Variants in BBS7 observed in about 807,000 individuals in gnomAD.
BBS7 encodes the protein Bardet-Biedl syndrome 7.
A neutral mutation model predicts 90.3 loss-of-function variants in BBS7; 50 were observed. The ratio of observed to expected loss-of-function variants is 0.55; its 90% CI spans 0.44 to 0.70. The LOEUF is 0.70. BBS7 is among the 30% of genes least tolerant of loss of function. The pLI, the probability that BBS7 is intolerant of heterozygous loss-of-function variation, is 0.00. For synonymous variants in BBS7, 235 were observed against 287.4 expected, an observed-to-expected ratio of 0.82 and a Z score of 1.85; for missense variants, 729 against 838.9, an observed-to-expected ratio of 0.87 and a Z score of 1.62.
chr4:121,852,835 G>C (rs1726392638), intron 8 of BBS7, 121 bp downstream of exon 8: 1 of 1,013,718 alleles, frequency 9.9e-7, no homozygotes, highest in Admixed American at 2.2e-5. Context: ...CATCAAAATA[G>C]CAATATTTTA....
At chr4:121,864,052 C>T (rs548082974) in intron 2 of BBS7, among the ~76,000 whole-genome samples, 2 of 152,176 alleles carry the variant, frequency 1.3e-5, no homozygotes, top group Non-Finnish European at 2.9e-5. Context: ...CATAGAAGCA[C>T]AAACCCTATT....
At chr4:121,861,242 AT>A (rs1365180237) in intron 4 of BBS7, 1 of 307,362 alleles carries the variant, frequency 3.3e-6, no homozygotes. Flanking sequence ...TTTATTTTCA[AT>A]TTTTTTGATA....
intron 13 of BBS7, among the ~76,000 whole-genome samples, chr4:121,836,985 A>G (rs1036919183): frequency 6.6e-6 from 1 of 150,406 alleles, no homozygotes; most frequent in African/African-American, 2.4e-5. Context: ...TTTGAGATAG[A>G]GTCTCACTCC....
chr4:121,827,807 A>G, intron 18 of BBS7: 1 of 972,484 alleles, frequency 1.0e-6, no homozygotes, highest in Non-Finnish European at 1.2e-6. Context: ...ACAAAACATG[A>G]CAATTATTTG....
intron 12 of BBS7, among the ~76,000 whole-genome samples, chr4:121,843,527 C>T (rs112894173): frequency 6.6e-6 from 1 of 152,110 alleles, no homozygotes. Context: ...CTAAAATGTT[C>T]CAAAACTCTA....
intron 3 of BBS7, 56 bp from the exon 4 acceptor site, chr4:121,861,735 T>A: frequency 6.3e-7 from 1 of 1,581,914 alleles, no homozygotes; most frequent in South Asian, 1.1e-5. Context: ...TGAGCATTTT[T>A]TCCTTTACAA....
Position 121,846,566 on chromosome 4 carries a change from TA to T in BBS7, c.1037+837del, listed in dbSNP as rs1257502083. 5.9e-5 allele frequency among the ~76,000 whole-genome samples: 9 copies of T among 151,996 alleles called. No homozygotes were observed. In the East Asian group the frequency reaches 1.7e-3, roughly 29 times the overall value. On this transcript the variant is annotated intron_variant, in intron 10 of 18. Coordinates refer to ENST00000264499, the MANE Select transcript of BBS7 (RefSeq NM_176824.3). ...AATCAAGAAATGGTAGACTTGGTTA[TA>T]AAAAAAAGGTAATGTATTGAGGATG... is the stretch of plus-strand genomic sequence containing the variant.
rs1727377994 is a variant in BBS7 at position 121,867,974 on chromosome 4, A to G, written c.102+7T>C. 1.9e-6 allele frequency: 3 copies of G among 1,609,216 alleles called. No individual in the cohort carries two copies. The highest frequency in any genetic ancestry group is 2.6e-6 in the Non-Finnish European group (3 of 1,175,650). On this transcript the variant is annotated splice_region_variant and intron_variant, in intron 2 of 18. Transcript: ENST00000264499. ...GAATAGTGGAGAAATCAGAATCTAT[A>G]CAGTACCTTTTGTGTAGCTCTGTGT... is the stretch of plus-strand genomic sequence containing the variant.
In BBS7 at chr4:121,855,497, C is replaced by CCATTGTGT; in HGVS notation, c.585_592dup (p.Gly198AspfsTer103). The CCATTGTGT allele has an allele frequency of 1.2e-6, 2 of 1,613,302 alleles. No individual in the cohort carries two copies. Among genetic ancestry groups the CCATTGTGT allele is most frequent in the Non-Finnish European group, 1.7e-6 (2 of 1,179,432 alleles). ...AATAAAATCCTGATTACCGCCATTT[C>CCATTGTGT]CATTGTGTAGTGCTAAGACAGTAGG... On this transcript the variant is annotated frameshift_variant, in exon 6 of 19. Transcript: ENST00000264499. LOFTEE classifies it high-confidence loss of function.
chr4:121,831,084 AGTCCCAACTACTCGGGAG>A (rs1166343290), intron 15 of BBS7, among the ~76,000 whole-genome samples: 2 of 152,220 alleles, frequency 1.3e-5, no homozygotes, highest in East Asian at 3.9e-4. Flanking sequence ...ACATGCCTGT[AGTCCCAACTACTCGGGAG>A]GTTGAGGCAG....
chr4:121,831,305 G>T (rs781072837), intron 15 of BBS7, among the ~76,000 whole-genome samples: 3 of 151,996 alleles, frequency 2.0e-5, no homozygotes, highest in Admixed American at 1.3e-4. Flanking sequence ...AAACAGAGAA[G>T]AGAATCAAGG....
intron 13 of BBS7, among the ~76,000 whole-genome samples, chr4:121,838,793 G>T (rs1432517044): frequency 2.0e-5 from 3 of 151,738 alleles, no homozygotes; most frequent in Non-Finnish European, 4.4e-5. Flanking sequence ...TACTCAGGAG[G>T]CTGAGGCAGG....
At position 121,855,406 on chromosome 4, in the gene BBS7, A is replaced by G. The variant is rs542832276; in HGVS notation, c.601+83T>C. 2.6e-5 allele frequency: 33 copies of G among 1,246,614 alleles called. No individual in the cohort carries two copies. In the South Asian group the frequency reaches 3.4e-4, roughly 13 times the overall value. The allele number at this position is 1,246,614 out of a possible 1,614,324, so 77.2% of individuals were successfully genotyped here. A position where few individuals can be genotyped will look rare whatever the true frequency, so the allele number is the denominator to read the frequency against. Reference sequence around the variant, plus strand: ...CCAGAAAGACAACTGTCTCAATTCTAGTTTATGTCCTTTCTACAATTTCCC... The same window carrying G: ...CCAGAAAGACAACTGTCTCAATTCTGGTTTATGTCCTTTCTACAATTTCCC... On this transcript the variant is annotated intron_variant, in intron 6 of 18. Transcript: ENST00000264499.
At chr4:121,832,142 AG>A (rs1725222595) in intron 15 of BBS7, among the ~76,000 whole-genome samples, 3 of 152,088 alleles carry the variant, frequency 2.0e-5, no homozygotes, top group African/African-American at 7.2e-5. Flanking sequence ...CAGGAGTTTG[AG>A]ACCAGCTTGA....
At chr4:121,832,036 ACACACACAAAAC>A (rs1725212706) in intron 15 of BBS7, among the ~76,000 whole-genome samples, 1 of 151,036 alleles carries the variant, frequency 6.6e-6, no homozygotes, top group Non-Finnish European at 1.5e-5. Flanking sequence ...ACACACACAC[ACACACACAAAAC>A]AAACAACCTA....
In BBS7 at chr4:121,845,595, C is replaced by T. The variant is rs921736196; in HGVS notation, c.1139G>A (p.Gly380Asp). 6 of 1,612,558 alleles carry T rather than the reference C, an allele frequency of 3.7e-6. No individual in the cohort carries two copies. The African/African-American group carries it at 4.0e-5, about 11-fold the overall frequency. The change falls in exon 11 of 19, where the codon GGT becomes GAT. Residue 380 changes from glycine (G) to aspartate (D), a missense_variant. Gly to Asp is a moderately conservative substitution (Grantham distance 94, BLOSUM62 -1). Coordinates refer to ENST00000264499, the MANE Select transcript of BBS7 (RefSeq NM_176824.3). ...SKAKSAVPSF[G>D]INDKFTLNKD... The stretch of plus-strand genomic sequence containing the variant: ...ATTTAGTGTAAATTTATCATTTATA[C>T]CAAAGGAAGGTACTGCTGATTTTGC...
intron 14 of BBS7, among the ~76,000 whole-genome samples, chr4:121,834,929 T>G (rs141542044): frequency 6.8e-4 from 104 of 152,238 alleles, no homozygotes; most frequent in Non-Finnish European, 6.8e-4. Context: ...AATAGTAATA[T>G]ATGAGAAAGA....
At chr4:121,838,316 C>T (rs148657892) in intron 13 of BBS7, among the ~76,000 whole-genome samples, 304 of 147,664 alleles carry the variant, frequency 2.1e-3, no homozygotes, top group Non-Finnish European at 3.0e-3. Context: ...TTAACTGGAA[C>T]TTCCTTAACC....
At position 121,828,038 on chromosome 4, in the gene BBS7, T is replaced by C. The variant is rs1047826441; in HGVS notation, c.2014+108A>G. ...TGATTCATGACTGGTTCATGAATCA[T>C]GACTGATGTAATCTTTTTATCTTTC... On this transcript the variant is annotated intron_variant, in intron 18 of 18. Transcript: ENST00000264499. The C allele has an allele frequency of 6.4e-6, 10 of 1,556,060 alleles. No individual in the cohort carries two copies. In the East Asian group the frequency reaches 2.3e-4, roughly 35 times the overall value.
Sources: allele counts gnomAD v4.1 joint callset (sites outside exome capture counted in the v4.1 genomes callset), GRCh38; gene constraint gnomAD v4.1.1; transcripts MANE v1.5; gene names NCBI Gene and HGNC (gene_info 2026-07-23, HGNC 2026-07-21).